Variants in RAD52 observed in about 807,000 individuals in gnomAD.
RAD52 encodes DNA repair protein RAD52 homolog.
RAD52 carries 47 observed loss-of-function variants against 55.5 expected under a neutral mutation model. That is an observed-to-expected ratio of 0.85 (90% CI 0.67 to 1.08). The LOEUF is 1.08. RAD52 is among the 50% of genes least tolerant of loss of function. RAD52 has a pLI of 0.00. For synonymous variants in RAD52, 184 were observed against 198.9 expected (o/e 0.92, Z 0.63); for missense variants, 468 against 522.8 (o/e 0.90, Z 1.02).
intron 1 of RAD52, among the ~76,000 whole-genome samples, chr12:956,429 T>A (rs1399301391): frequency 1.3e-5 from 2 of 152,218 alleles, no homozygotes; most frequent in Non-Finnish European, 1.5e-5. Context: ...CTACTCCTGA[T>A]AGGAACCACA....
intron 1 of RAD52, among the ~76,000 whole-genome samples, chr12:942,683 G>A (rs1205947833): frequency 6.6e-6 from 1 of 151,670 alleles, no homozygotes. Context: ...GGAGGCAGAG[G>A]TTGCAGTGAG....
chr12:933,584 C>T (rs1170572344), intron 1 of RAD52, among the ~76,000 whole-genome samples: 2 of 152,020 alleles, frequency 1.3e-5, no homozygotes, highest in African/African-American at 4.8e-5. Flanking sequence ...GCTGAAGATT[C>T]TTTAAGGTCT....
intron 1 of RAD52, among the ~76,000 whole-genome samples, chr12:944,762 T>TTCTC (rs1555177802): frequency 1.4e-5 from 2 of 143,582 alleles, no homozygotes; most frequent in Non-Finnish European, 3.0e-5. Flanking sequence ...CTAAAAGCAT[T>TTCTC]TTTCTTTCTT....
chr12:922,191 TAAAAAAAAAA>T (rs79763100), intron 7 of RAD52, among the ~76,000 whole-genome samples: 2 of 81,694 alleles, frequency 2.4e-5, no homozygotes, highest in African/African-American at 1.1e-4. Context: ...TAGGTTGGCT[TAAAAAAAAAA>T]AAAAAAAAAA....
At chr12:928,742 G>A (rs1957173639) in intron 5 of RAD52, among the ~76,000 whole-genome samples, 1 of 151,680 alleles carries the variant, frequency 6.6e-6, no homozygotes, top group African/African-American at 2.4e-5. Context: ...CAATTGTCTG[G>A]TCAATTGTGT....
At chr12:946,032 CAA>C (rs1468683360) in intron 1 of RAD52, among the ~76,000 whole-genome samples, 1 of 151,694 alleles carries the variant, frequency 6.6e-6, no homozygotes, top group African/African-American at 2.4e-5. Flanking sequence ...TCAAAAAAAA[CAA>C]AAAAACACGG....
chr12:974,184 C>G (rs1958906584), intron 1 of RAD52: 2 of 152,098 alleles, frequency 1.3e-5, no homozygotes, highest in Admixed American at 1.3e-4. Context: ...ACTTCCAATG[C>G]CTGTTAGACA....
rs368485676 is a variant in RAD52, at chr12:919,267, G to A, written c.544-2447C>T. ...TTGAGATCACCCTGGCCAACATGGC[G>A]AAACCCCATTTCTACTAAAAGTATA... On this transcript the variant is annotated intron_variant, in intron 7 of 11. Transcript: ENST00000358495. Among the ~76,000 whole-genome samples, 93 of 152,044 alleles carry A rather than the reference G, an allele frequency of 6.1e-4. 1 individual carries two copies. Among genetic ancestry groups the A allele is most frequent in the East Asian group, 4.3e-3 (22 of 5,154 alleles).
At chr12:964,112 G>C (rs1055790538) in intron 1 of RAD52, among the ~76,000 whole-genome samples, 2 of 152,184 alleles carry the variant, frequency 1.3e-5, no homozygotes, top group South Asian at 4.1e-4. Context: ...AAGGTTTGGG[G>C]TTCAGACAAG....
intron 1 of RAD52, among the ~76,000 whole-genome samples, chr12:938,164 T>C (rs1957733917): frequency 6.6e-6 from 1 of 152,194 alleles, no homozygotes; most frequent in Non-Finnish European, 1.5e-5. Flanking sequence ...ACCACCTTAA[T>C]TATTAAGGAA....
At chr12:990,953 G>GTA (rs963354501), upstream of RAD52, 1 of 7,958 alleles carries the variant, frequency 1.3e-4, no homozygotes, top group African/African-American at 1.6e-4. Context: ...GTGTGTGTGA[G>GTA]TGTGTGTGTG....
At chr12:916,569 G>C in intron 8 of RAD52, 70 bp downstream of exon 8, 1 of 1,598,480 alleles carries the variant, frequency 6.3e-7, no homozygotes, top group Non-Finnish European at 8.5e-7. Flanking sequence ...TGGCTCTGGA[G>C]GCCTGAGTGG....
chr12:961,413 C>T (rs939536286), intron 1 of RAD52, among the ~76,000 whole-genome samples: 9 of 151,476 alleles, frequency 5.9e-5, no homozygotes, highest in Non-Finnish European at 1.0e-4. Flanking sequence ...ATGTGTTGAA[C>T]CCCTAATGTC....
In RAD52 at chr12:912,801, A is replaced by G. The variant is rs1418527532; in HGVS notation, c.*590T>C. The G allele has an allele frequency of 5.4e-5, 10 of 186,346 alleles. No homozygotes were observed. The East Asian group carries it at 8.8e-4, about 16-fold the overall frequency. 11.5% of individuals were successfully genotyped at this position (186,346 alleles called of 1,614,324 possible). On this transcript the variant is annotated 3_prime_UTR_variant, in exon 12 of 12. Coordinates refer to ENST00000358495, the MANE Select transcript of RAD52 (RefSeq NM_134424.4). ...TGATTATTTCCTTCCTTAGGAAAAA[A>G]TGTCAGTCTTGAAACAATGCAGGAT...
intron 1 of RAD52, among the ~76,000 whole-genome samples, chr12:980,972 A>T (rs1959006633): frequency 6.6e-6 from 1 of 152,104 alleles, no homozygotes; most frequent in South Asian, 2.1e-4. Context: ...TCCTGATCCC[A>T]ACAGCCGCAA....
In RAD52 at chr12:916,399, C is replaced by T. The variant is rs1340658071; in HGVS notation, c.810G>A (p.Glu270=). Residue 270 remains glutamate (E), a synonymous_variant, in exon 9 of 12, where the codon GAG becomes GAA. Transcript: ENST00000358495. ...RQKQLQQQFR[E]RMEKQQVRVS... is the part of the protein sequence containing the mutation. ...CTCGAACCTGCTGCTTCTCCATCCGCTCCCGGAACTGCTGCTGCAGCTGCT... is the reference window on the plus strand; with the variant it reads ...CTCGAACCTGCTGCTTCTCCATCCGTTCCCGGAACTGCTGCTGCAGCTGCT... The T allele has an allele frequency of 6.2e-7, 1 of 1,609,000 alleles. No homozygotes were observed. Among genetic ancestry groups the T allele is most frequent in the African/African-American group, 1.3e-5 (1 of 75,040 alleles).
rs377410286 is a variant in RAD52, at chr12:916,364, G to A, written c.845C>T (p.Pro282Leu). ...MEKQQVRVSTPSAEKSEAAPP... is the reference protein window; with the variant it reads ...MEKQQVRVSTLSAEKSEAAPP... ...CTCACCCTCACTCTTCTCAGCTGAC[G>A]GCGTGGAGACTCGAACCTGCTGCTT... The change falls in exon 9 of 12, where the codon CCG (proline) becomes CTG (leucine). Residue 282 changes from proline (P) to leucine (L), a missense_variant. Transcript: ENST00000358495. The A allele has an allele frequency of 8.7e-6, 14 of 1,607,222 alleles. No individual in the cohort carries two copies. The highest frequency in any genetic ancestry group is 1.3e-5 in the African/African-American group (1 of 74,896).
chr12:942,285 A>G (rs1409144584), intron 1 of RAD52, among the ~76,000 whole-genome samples: 1 of 152,232 alleles, frequency 6.6e-6, no homozygotes, highest in African/African-American at 2.4e-5. Flanking sequence ...GACATCAATT[A>G]CCATTTGTAC....
intron 1 of RAD52, among the ~76,000 whole-genome samples, chr12:959,481 G>C (rs1481053154): frequency 1.3e-5 from 2 of 152,236 alleles, no homozygotes; most frequent in East Asian, 1.9e-4. Flanking sequence ...CGTTAAATGA[G>C]ATGTTCGACA....
Sources: allele counts gnomAD v4.1 joint callset (sites outside exome capture counted in the v4.1 genomes callset), GRCh38; gene constraint gnomAD v4.1.1; transcripts MANE v1.5; gene names NCBI Gene and HGNC (gene_info 2026-07-23, HGNC 2026-07-21).